The following PLEKHA5 variants were observed in gnomAD, a reference collection of about 807,000 sequenced individuals.
PLEKHA5 encodes the protein pleckstrin homology domain containing A5, also known as pleckstrin homology domain-containing family A member 5.
A neutral mutation model predicts 181.9 loss-of-function variants in PLEKHA5; 55 were observed. The ratio of observed to expected loss-of-function variants is 0.30; its 90% CI spans 0.24 to 0.38. The LOEUF (loss-of-function observed/expected upper bound fraction) is 0.38, where lower values mean the gene tolerates loss of function less well. Ranked by LOEUF, PLEKHA5 falls within the 10% of genes least tolerant of loss-of-function variation. PLEKHA5 has a pLI of 1.00. For missense variants in PLEKHA5, 1,432 were observed against 1,549.5 expected, an observed-to-expected ratio of 0.92 and a Z score of 1.27; for synonymous variants, 535 against 529.4, an observed-to-expected ratio of 1.01 and a Z score of -0.15.
At chr12:19,328,145 T>G (rs2092433421) in intron 20 of PLEKHA5, among the ~76,000 whole-genome samples, 1 of 152,122 alleles carries the variant, frequency 6.6e-6, no homozygotes, top group Non-Finnish European at 1.5e-5. Flanking sequence ...TGGCCATAGG[T>G]GTATGGCTTA....
At position 19,201,380 on chromosome 12, in the gene PLEKHA5, A is replaced by C. The variant is rs1174269242; in HGVS notation, c.228-52560A>C. The C allele has an allele frequency of 2.6e-5, 4 of 152,096 alleles. No homozygotes were observed. The East Asian group carries it at 7.7e-4, about 29-fold the overall frequency. 9.4% of individuals were successfully genotyped at this position (152,096 alleles called of 1,614,324 possible). Reference sequence around the variant, plus strand: ...TGTGGAGAAACTCAAACTCTGTTACACTAGTAATAGAAATATAAAATGTTA... The same window carrying C: ...TGTGGAGAAACTCAAACTCTGTTACCCTAGTAATAGAAATATAAAATGTTA... On this transcript the variant is annotated intron_variant, in intron 3 of 31. Transcript: ENST00000429027.
intron 3 of PLEKHA5, among the ~76,000 whole-genome samples, chr12:19,215,613 G>A (rs1438483612): frequency 1.3e-5 from 2 of 152,028 alleles, no homozygotes; most frequent in African/African-American, 2.4e-5. Context: ...CATAAAATAA[G>A]CCATATAAAG....
At chr12:19,260,890 T>TCC (rs2068290962) in intron 6 of PLEKHA5, 59 bp from the exon 7 acceptor site, 1 of 960,794 alleles carries the variant, frequency 1.0e-6, no homozygotes, top group Non-Finnish European at 1.6e-6. Context: ...AATAAATAAA[T>TCC]GCACATGTGA....
At chr12:19,343,611 G>A (rs1223640386) in intron 22 of PLEKHA5, among the ~76,000 whole-genome samples, 177 bp downstream of exon 22, 3 of 152,134 alleles carry the variant, frequency 2.0e-5, no homozygotes, top group African/African-American at 7.2e-5. Flanking sequence ...GTGGTATATA[G>A]CTTATTGCTC....
At chr12:19,312,981 C>T (rs887835015) in intron 15 of PLEKHA5, among the ~76,000 whole-genome samples, 3 of 152,052 alleles carry the variant, frequency 2.0e-5, no homozygotes, top group Non-Finnish European at 2.9e-5. Context: ...ATTAATTGGC[C>T]TGATTTCAAT....
intron 20 of PLEKHA5, among the ~76,000 whole-genome samples, chr12:19,329,565 A>G (rs1481009669): frequency 5.3e-5 from 8 of 151,830 alleles, no homozygotes. Context: ...ATCTTGGGAG[A>G]TTGTATATTT....
chr12:19,336,823 C>T (rs1037340438), intron 21 of PLEKHA5, among the ~76,000 whole-genome samples: 2 of 152,010 alleles, frequency 1.3e-5, no homozygotes, highest in Middle Eastern at 3.2e-3. Context: ...TTCTGTTGGG[C>T]ACATGGTGAG....
At position 19,334,856 on chromosome 12, in the gene PLEKHA5, ATATATATATATATC is replaced by A. The variant is rs1439715054; in HGVS notation, c.2449-1657_2449-1644del. On this transcript the variant is annotated intron_variant, in intron 20 of 31. Coordinates refer to ENST00000429027, the MANE Select transcript of PLEKHA5 (RefSeq NM_001256470.2). ...TATATATATATATATATATATATATATATATATATATATCTCTGTATACGCACACACACACAAAA... is the reference window on the plus strand; with the variant it reads ...TATATATATATATATATATATATATATCTGTATACGCACACACACACAAAA... Among the ~76,000 whole-genome samples, 217 of 66,228 alleles carry A rather than the reference ATATATATATATATC, an allele frequency of 3.3e-3. 41 individuals are homozygous for A. Among genetic ancestry groups the A allele is most frequent in the South Asian group, 7.5e-3 (15 of 2,012 alleles). 43.4% of individuals were successfully genotyped at this position (66,228 alleles called of 152,430 possible). A position where few individuals can be genotyped will look rare whatever the true frequency, so the allele number is the denominator to read the frequency against.
At chr12:19,263,889 C>CATGTTTGTA (rs1280570537) in intron 7 of PLEKHA5, among the ~76,000 whole-genome samples, 5 of 152,136 alleles carry the variant, frequency 3.3e-5, no homozygotes, top group Non-Finnish European at 7.3e-5. Flanking sequence ...AGAGTTCTTT[C>CATGTTTGTA]ATTCTACAAA....
intron 3 of PLEKHA5, among the ~76,000 whole-genome samples, chr12:19,252,661 T>C (rs1239376764): frequency 6.6e-6 from 1 of 152,160 alleles, no homozygotes; most frequent in Non-Finnish European, 1.5e-5. Flanking sequence ...AACAGATTTT[T>C]CTTTGTTTTT....
At chr12:19,363,675 A>G (rs2095334641) in intron 29 of PLEKHA5, among the ~76,000 whole-genome samples, 1 of 151,938 alleles carries the variant, frequency 6.6e-6, no homozygotes, top group Non-Finnish European at 1.5e-5. Flanking sequence ...TATTTTTAGT[A>G]GAGACGGGGT....
At position 19,167,405 on chromosome 12, in the gene PLEKHA5, A is replaced by AT. The variant is rs56086557; in HGVS notation, c.227+34984dup. On this transcript the variant is annotated intron_variant, in intron 3 of 31. Coordinates refer to ENST00000429027, the MANE Select transcript of PLEKHA5 (RefSeq NM_001256470.2). Reference sequence around the variant, plus strand: ...CACTCTGCAAGTCTTCTGAGGCTTAATTTTTTTTTTTTTTTTTTTTTTTTT... The same window carrying AT: ...CACTCTGCAAGTCTTCTGAGGCTTAATTTTTTTTTTTTTTTTTTTTTTTTTT... Among the ~76,000 whole-genome samples the AT allele has an allele frequency of 1.1e-3, 103 of 91,218 alleles. 1 individual carries two copies. The highest frequency in any genetic ancestry group is 8.9e-3 in the East Asian group (24 of 2,698). 59.8% of individuals were successfully genotyped at this position (91,218 alleles called of 152,430 possible). A position where few individuals can be genotyped will look rare whatever the true frequency, so the allele number is the denominator to read the frequency against.
At chr12:19,195,851 A>G (rs186817800) in intron 3 of PLEKHA5, among the ~76,000 whole-genome samples, 49 of 152,152 alleles carry the variant, frequency 3.2e-4, no homozygotes, top group African/African-American at 1.2e-3. Context: ...ACTTCTACCT[A>G]TTATTTTTGA....
intron 13 of PLEKHA5, among the ~76,000 whole-genome samples, chr12:19,289,937 T>G (rs369641765): frequency 3.3e-5 from 5 of 151,932 alleles, no homozygotes; most frequent in African/African-American, 4.8e-5. Context: ...TTTATTTTTA[T>G]TTATTTTTTT....
At position 19,204,806 on chromosome 12, in the gene PLEKHA5, A is replaced by G. The variant is rs140226076; in HGVS notation, c.228-49134A>G. 3.1e-3 allele frequency among the ~76,000 whole-genome samples: 472 copies of G among 152,268 alleles called. 2 individuals carry two copies. The highest frequency in any genetic ancestry group is 0.011 in the African/African-American group (456 of 41,584). ...TATTAGTCTTTATTAATATTTCCAA[A>G]GGAGAAGTTAAAATACCACTGCATA... On this transcript the variant is annotated intron_variant, in intron 3 of 31. Coordinates refer to ENST00000429027, the MANE Select transcript of PLEKHA5 (RefSeq NM_001256470.2).
intron 20 of PLEKHA5, among the ~76,000 whole-genome samples, chr12:19,330,757 T>C (rs1385668198): frequency 1.3e-5 from 2 of 152,248 alleles, no homozygotes; most frequent in East Asian, 1.9e-4. Context: ...TGGTGGAGTA[T>C]TAGTGACCAA....
At chr12:19,217,412 T>C (rs1411902813) in intron 3 of PLEKHA5, among the ~76,000 whole-genome samples, 1 of 152,196 alleles carries the variant, frequency 6.6e-6, no homozygotes, top group African/African-American at 2.4e-5. Context: ...CAGGATGATA[T>C]ATGTGATAGG....
intron 29 of PLEKHA5, among the ~76,000 whole-genome samples, chr12:19,364,901 G>A (rs906869783): frequency 3.9e-5 from 6 of 152,066 alleles, no homozygotes; most frequent in African/African-American, 1.2e-4. Context: ...CTGACCTCAT[G>A]ATCCTGCCTT....
At chr12:19,249,905 T>C (rs2064806553) in intron 3 of PLEKHA5, among the ~76,000 whole-genome samples, 2 of 152,190 alleles carry the variant, frequency 1.3e-5, no homozygotes, top group South Asian at 4.1e-4. Context: ...GTCGAGTCAG[T>C]TATTTTAAGG....
Sources: gnomAD v4.1 joint callset for allele counts (sites outside exome capture counted in the v4.1 genomes callset) on GRCh38, gnomAD v4.1.1 for gene constraint, MANE v1.5 for transcripts, NCBI Gene and HGNC (gene_info 2026-07-23, HGNC 2026-07-21) for gene names.